The following NTM variants were observed in gnomAD, a reference collection of about 807,000 sequenced individuals.
NTM encodes the protein neurotrimin.
NTM carries 13 observed loss-of-function variants against 42.1 expected under a neutral mutation model. The observed-to-expected ratio is 0.31, with a 90% confidence interval of 0.20 to 0.49. The LOEUF is 0.49. NTM is among the 20% of genes least tolerant of loss of function. The pLI is 0.99. For missense variants in NTM, 373 were observed against 452.8 expected (o/e 0.82, Z 1.60); for synonymous variants, 187 against 179.2 (o/e 1.04, Z -0.35).
At chr11:132,198,284 C>T (rs2080601988) in intron 3 of NTM, among the ~76,000 whole-genome samples, 1 of 152,194 alleles carries the variant, frequency 6.6e-6, no homozygotes, top group African/African-American at 2.4e-5. Flanking sequence ...TGGCTCACTG[C>T]AGCCTCAACT....
intron 2 of NTM, among the ~76,000 whole-genome samples, chr11:131,987,814 A>G (rs529303470): frequency 7.9e-4 from 120 of 152,354 alleles, no homozygotes; most frequent in African/African-American, 2.7e-3. Context: ...TCAGCCACTC[A>G]GTCAAAGATT....
intron 1 of NTM, among the ~76,000 whole-genome samples, chr11:131,373,530 G>C (rs369237304): frequency 5.3e-5 from 8 of 151,814 alleles, no homozygotes; most frequent in South Asian, 2.1e-4. Context: ...CTGACAGGAG[G>C]GGGGATTAGC....
chr11:132,008,876 T>C (rs181311670), intron 2 of NTM, among the ~76,000 whole-genome samples: 2 of 152,098 alleles, frequency 1.3e-5, no homozygotes, highest in East Asian at 1.9e-4. Context: ...CTTTTTTTTT[T>C]TTCCTGTTGT....
At chr11:132,061,375 C>T (rs2080649064) in intron 2 of NTM, among the ~76,000 whole-genome samples, 1 of 152,140 alleles carries the variant, frequency 6.6e-6, no homozygotes, top group African/African-American at 2.4e-5. Context: ...TTTCATATTG[C>T]AATTATAAAG....
chr11:131,692,401 C>G (rs1306667183), intron 1 of NTM, among the ~76,000 whole-genome samples: 37 of 151,950 alleles, frequency 2.4e-4, no homozygotes, highest in Admixed American at 2.4e-3. Context: ...AGCCTATCTC[C>G]CATGCAGATC....
intron 2 of NTM, among the ~76,000 whole-genome samples, chr11:132,132,046 T>C (rs2066914253): frequency 6.6e-6 from 1 of 152,198 alleles, no homozygotes. Flanking sequence ...TAGATAATTA[T>C]TTGCCCAGTG....
intron 4 of NTM, among the ~76,000 whole-genome samples, chr11:132,215,845 G>A (rs2083739683): frequency 6.6e-6 from 1 of 152,176 alleles, no homozygotes; most frequent in African/African-American, 2.4e-5. Flanking sequence ...GGTCTTTTCA[G>A]GAGGAAGAGC....
chr11:132,218,217 G>C (rs1055289042), intron 4 of NTM, among the ~76,000 whole-genome samples: 1 of 152,074 alleles, frequency 6.6e-6, no homozygotes, highest in African/African-American at 2.4e-5. Context: ...GGGCAAAATG[G>C]AACTAAAGAT....
At chr11:132,004,381 C>T (rs986117954) in intron 2 of NTM, among the ~76,000 whole-genome samples, 1 of 152,108 alleles carries the variant, frequency 6.6e-6, no homozygotes, top group African/African-American at 2.4e-5. Flanking sequence ...TTTCCAGCAC[C>T]TCTTTCTTTA....
intron 7 of NTM, among the ~76,000 whole-genome samples, chr11:132,321,175 A>G (rs2095560450): frequency 6.6e-6 from 1 of 152,256 alleles, no homozygotes; most frequent in Non-Finnish European, 1.5e-5. Context: ...AGCTGGACAG[A>G]GAATGACTTT....
intron 1 of NTM, chr11:131,660,612 C>G (rs773931843): frequency 2.2e-6 from 1 of 457,496 alleles, no homozygotes; most frequent in Non-Finnish European, 4.4e-6. Flanking sequence ...GAGGGCTGGC[C>G]TTGATCTCTG....
At chr11:132,298,658 A>C (rs547323486) in intron 4 of NTM, among the ~76,000 whole-genome samples, 1 of 152,344 alleles carries the variant, frequency 6.6e-6, no homozygotes, top group Admixed American at 6.5e-5. Flanking sequence ...TTACACTTTA[A>C]GTTGAAGCTT....
intron 2 of NTM, among the ~76,000 whole-genome samples, chr11:131,974,309 T>G (rs1216192268): frequency 6.6e-6 from 1 of 152,178 alleles, no homozygotes; most frequent in Non-Finnish European, 1.5e-5. Flanking sequence ...ATGAATGAAT[T>G]GTGTTAAAAT....
At chr11:131,737,155 T>C (rs2080571658) in intron 1 of NTM, among the ~76,000 whole-genome samples, 4 of 152,202 alleles carry the variant, frequency 2.6e-5, no homozygotes, top group Admixed American at 2.6e-4. Flanking sequence ...TGGCATCTTG[T>C]GAGGCATCCC....
chr11:131,431,548 G>T (rs1948652968), intron 1 of NTM, among the ~76,000 whole-genome samples: 1 of 152,180 alleles, frequency 6.6e-6, no homozygotes, highest in Non-Finnish European at 1.5e-5. Context: ...CTGCTTACCT[G>T]CTTCCCTCCA....
chr11:131,938,151 G>A (rs1230513539), intron 2 of NTM, among the ~76,000 whole-genome samples: 3 of 152,224 alleles, frequency 2.0e-5, no homozygotes, highest in Non-Finnish European at 4.4e-5. Flanking sequence ...TCACCTTTTA[G>A]TGGGAAAAGC....
intron 2 of NTM, among the ~76,000 whole-genome samples, chr11:132,126,326 G>A (rs1199836238): frequency 6.6e-6 from 1 of 152,178 alleles, no homozygotes; most frequent in Non-Finnish European, 1.5e-5. Flanking sequence ...AATGCTGAGG[G>A]TGACAGGAGA....
chr11:131,720,284 G>A (rs1166626475), intron 1 of NTM, among the ~76,000 whole-genome samples: 2 of 152,178 alleles, frequency 1.3e-5, no homozygotes, highest in African/African-American at 4.8e-5. Context: ...ACTCAGAAAA[G>A]CCATATGCCT....
At chr11:132,117,620 C>CA (rs2064091790) in intron 2 of NTM, among the ~76,000 whole-genome samples, 1 of 152,146 alleles carries the variant, frequency 6.6e-6, no homozygotes, top group Non-Finnish European at 1.5e-5. Context: ...TGTGATATAC[C>CA]AAAAATAAAA....
Sources: gnomAD v4.1 joint callset for allele counts (sites outside exome capture counted in the v4.1 genomes callset) on GRCh38, gnomAD v4.1.1 for gene constraint, MANE v1.5 for transcripts, NCBI Gene and HGNC (gene_info 2026-07-23, HGNC 2026-07-21) for gene names.